The following RAI14 variants were observed in gnomAD, a reference collection of about 807,000 sequenced individuals.
RAI14 encodes retinoic acid induced 14.
Under a neutral mutation model 115.4 loss-of-function variants are expected in RAI14, and 45 were observed. The ratio of observed to expected loss-of-function variants is 0.39; its 90% CI spans 0.31 to 0.50. The LOEUF is 0.50. RAI14 is among the 20% of genes least tolerant of loss of function. The pLI, the probability that RAI14 is intolerant of heterozygous loss-of-function variation, is 0.85. For missense variants in RAI14, 939 were observed against 1,131.2 expected (o/e 0.83, Z 2.44); for synonymous variants, 371 against 415.4 (o/e 0.89, Z 1.30).
chr5:34,696,359 A>G (rs1406856433), intron 2 of RAI14, among the ~76,000 whole-genome samples: 1 of 151,610 alleles, frequency 6.6e-6, no homozygotes, highest in African/African-American at 2.4e-5. Flanking sequence ...GATGGTCTCG[A>G]TCTCCTGACC....
chr5:34,766,540 T>C (rs1749395060), intron 3 of RAI14, among the ~76,000 whole-genome samples: 1 of 152,186 alleles, frequency 6.6e-6, no homozygotes, highest in Non-Finnish European at 1.5e-5. Context: ...CCATTTGGAA[T>C]GGGTGTAATT....
At chr5:34,700,204 C>T (rs187923385) in intron 2 of RAI14, among the ~76,000 whole-genome samples, 63 of 152,300 alleles carry the variant, frequency 4.1e-4, no homozygotes, top group African/African-American at 1.3e-3. Flanking sequence ...GTTTGGTGCA[C>T]AGTTTTCCCC....
Position 34,821,954 on chromosome 5 carries a change from TTAAATATTAG to T in RAI14, c.1113+105_1113+114del, listed in dbSNP as rs1382562068. 16 of 592,154 alleles carry T rather than the reference TTAAATATTAG, an allele frequency of 2.7e-5. No homozygotes were observed. In the East Asian group the frequency reaches 4.3e-4, roughly 16 times the overall value. 36.7% of individuals were successfully genotyped at this position (592,154 alleles called of 1,614,324 possible). A position where few individuals can be genotyped will look rare whatever the true frequency, so the allele number is the denominator to read the frequency against. Reference sequence around the variant, plus strand: ...TTTAAATGTGTACATTAGTTTCTTTTTAAATATTAGCTTTAAGCATCTTATAGTTTCAGAT... The same window carrying T: ...TTTAAATGTGTACATTAGTTTCTTTTCTTTAAGCATCTTATAGTTTCAGAT... On this transcript the variant is annotated intron_variant, in intron 14 of 17. Coordinates refer to ENST00000265109, the MANE Select transcript of RAI14 (RefSeq NM_015577.3).
At chr5:34,685,530 A>G (rs1325705996) in intron 1 of RAI14, among the ~76,000 whole-genome samples, 1 of 152,040 alleles carries the variant, frequency 6.6e-6, no homozygotes, top group Non-Finnish European at 1.5e-5. Flanking sequence ...TAAGAAATTC[A>G]TGTATCAAAA....
chr5:34,797,990 G>A (rs896162212), intron 4 of RAI14, among the ~76,000 whole-genome samples: 3 of 152,114 alleles, frequency 2.0e-5, no homozygotes, highest in Admixed American at 6.5e-5. Context: ...CTTCCCTCAC[G>A]TCTTTTTATT....
chr5:34,721,842 C>G (rs148293222), intron 2 of RAI14, among the ~76,000 whole-genome samples: 1,871 of 152,224 alleles, frequency 0.012, 35 homozygotes, highest in African/African-American at 0.043. Context: ...TCCCAAGTAG[C>G]TGGGCTTACA....
chr5:34,708,305 C>A (rs1055860539), intron 2 of RAI14, among the ~76,000 whole-genome samples: 2 of 151,652 alleles, frequency 1.3e-5, no homozygotes, highest in Admixed American at 1.3e-4. Context: ...CGCGTTCAAG[C>A]GATTCTCCTG....
chr5:34,802,938 G>T (rs990772114), intron 4 of RAI14, among the ~76,000 whole-genome samples: 2 of 152,182 alleles, frequency 1.3e-5, no homozygotes, highest in African/African-American at 4.8e-5. Context: ...ATTGAGAGGA[G>T]AGGGAAATGA....
At chr5:34,730,802 G>C (rs879344779) in intron 2 of RAI14, among the ~76,000 whole-genome samples, 1 of 152,180 alleles carries the variant, frequency 6.6e-6, no homozygotes, top group Non-Finnish European at 1.5e-5. Flanking sequence ...GGCCAACATG[G>C]TGAAACCTAA....
intron 1 of RAI14, among the ~76,000 whole-genome samples, chr5:34,665,202 C>T (rs562207842): frequency 0.03 from 811 of 27,344 alleles, 123 homozygotes; most frequent in Middle Eastern, 0.062. Flanking sequence ...TATATATACA[C>T]ACACCACAGT....
At chr5:34,784,933 T>C (rs185207674) in intron 3 of RAI14, among the ~76,000 whole-genome samples, 167 of 152,358 alleles carry the variant, frequency 1.1e-3, no homozygotes, top group African/African-American at 3.7e-3. Context: ...ATGTTTTCAA[T>C]TGATCCCTAC....
intron 3 of RAI14, among the ~76,000 whole-genome samples, chr5:34,779,790 C>A (rs1228662510): frequency 6.6e-6 from 1 of 152,170 alleles, no homozygotes; most frequent in Non-Finnish European, 1.5e-5. Flanking sequence ...AATGGCCATA[C>A]TGCCCAAGGT....
At chr5:34,820,412 T>A (rs1756702167) in intron 13 of RAI14, among the ~76,000 whole-genome samples, 1 of 152,198 alleles carries the variant, frequency 6.6e-6, no homozygotes, top group South Asian at 2.1e-4. Flanking sequence ...AAACCCCGTC[T>A]CTACTAAAAA....
chr5:34,676,019 T>G (rs992030498), intron 1 of RAI14, among the ~76,000 whole-genome samples: 3 of 152,246 alleles, frequency 2.0e-5, no homozygotes, highest in African/African-American at 7.2e-5. Context: ...TGTTTTCATT[T>G]CTCTCGTAGG....
chr5:34,724,950 C>T (rs1743258914), intron 2 of RAI14, among the ~76,000 whole-genome samples: 1 of 152,000 alleles, frequency 6.6e-6, no homozygotes, highest in Non-Finnish European at 1.5e-5. Flanking sequence ...GGTGGGGTCT[C>T]CTAGGTTACC....
chr5:34,752,715 G>C (rs1264082780), intron 2 of RAI14, among the ~76,000 whole-genome samples: 2 of 83,742 alleles, frequency 2.4e-5, no homozygotes, highest in African/African-American at 9.5e-5. Context: ...GTGTGTGTGT[G>C]TGTGTGTGTG....
rs1245294451 is a variant in RAI14 at position 34,822,952 on chromosome 5, C to T, written c.1114-4C>T. 6.3e-7 allele frequency: 1 copy of T among 1,596,720 alleles called. No homozygotes were observed. The highest frequency in any genetic ancestry group is 1.8e-5 in the Admixed American group (1 of 55,798). Reference sequence around the variant, plus strand: ...ATCATTTAATTCTTGCTTTTTTTTCCTAGGCCAAATCACCCAAGGAGGCGG... The same window carrying T: ...ATCATTTAATTCTTGCTTTTTTTTCTTAGGCCAAATCACCCAAGGAGGCGG... On this transcript the variant is annotated splice_region_variant and splice_polypyrimidine_tract_variant and intron_variant, in intron 14 of 17. Coordinates refer to ENST00000265109, the MANE Select transcript of RAI14 (RefSeq NM_015577.3).
intron 2 of RAI14, among the ~76,000 whole-genome samples, chr5:34,750,472 C>CT (rs532269252): frequency 2.6e-5 from 4 of 150,990 alleles, no homozygotes; most frequent in Non-Finnish European, 5.9e-5. Context: ...GCCACTCTGC[C>CT]TTTTTTTTTA....
chr5:34,716,193 G>T, intron 2 of RAI14: 2 of 364,872 alleles, frequency 5.5e-6, no homozygotes, highest in East Asian at 8.7e-5. Flanking sequence ...GACAAGTATA[G>T]GTGGATTTAC....
Sources: allele counts gnomAD v4.1 joint callset (sites outside exome capture counted in the v4.1 genomes callset), GRCh38; gene constraint gnomAD v4.1.1; transcripts MANE v1.5; gene names NCBI Gene and HGNC (gene_info 2026-07-23, HGNC 2026-07-21).